The following TIMELESS variants were observed in gnomAD, a reference collection of about 807,000 sequenced individuals.
TIMELESS encodes the protein timeless circadian regulator.
In TIMELESS, 124 loss-of-function variants were observed where a neutral mutation model predicts 164.3. The ratio of observed to expected loss-of-function variants is 0.75; its 90% CI spans 0.65 to 0.88. The LOEUF is 0.88. TIMELESS is among the 40% of genes least tolerant of loss of function. The pLI is 0.00. For synonymous variants in TIMELESS, 564 were observed against 563.4 expected (o/e 1.00, Z -0.02); for missense variants, 1,422 against 1,491.4 (o/e 0.95, Z 0.77).
chr12:56,448,823 C>T (rs1390690563), intron 1 of TIMELESS, among the ~76,000 whole-genome samples: 1 of 152,224 alleles, frequency 6.6e-6, no homozygotes, highest in Non-Finnish European at 1.5e-5. Flanking sequence ...TCATTAGCGG[C>T]TGAGGTCCAG....
intron 15 of TIMELESS, among the ~76,000 whole-genome samples, chr12:56,424,345 T>A (rs930206638): frequency 2.6e-5 from 4 of 152,254 alleles, no homozygotes; most frequent in Non-Finnish European, 5.9e-5. Flanking sequence ...ATGTTAATGA[T>A]GCATATCTTT....
Position 56,434,066 on chromosome 12 carries a change from G to A in TIMELESS, c.97+8C>T. 1 of 1,613,560 alleles carries A rather than the reference G, an allele frequency of 6.2e-7. No homozygotes were observed. The highest frequency in any genetic ancestry group is 1.1e-5 in the South Asian group (1 of 91,068). On this transcript the variant is annotated splice_region_variant and intron_variant, in intron 2 of 28. Coordinates refer to ENST00000553532, the MANE Select transcript of TIMELESS (RefSeq NM_003920.5). ...ATTTTTTTCCTGTTTCATCAAAAAG[G>A]TACTCACCTAAGCAATCTGGTTCCT...
chr12:56,449,106 G>A (rs768389769), intron 1 of TIMELESS, among the ~76,000 whole-genome samples: 2 of 152,250 alleles, frequency 1.3e-5, no homozygotes, highest in Admixed American at 6.5e-5. Context: ...GGCTAAGCCC[G>A]CGTCCGGTGA....
Position 56,418,334 on chromosome 12 carries a change from T to C in TIMELESS, c.3254A>G (p.Lys1085Arg), listed in dbSNP as rs747937635. ...CCTCCGGAGCTGGGTAGGACTCAGC[T>C]TGGCTGGAATTCGCCAGAAGGTTTC... Reference protein sequence around the residue: ...GQETFWRIPAKLSPTQLRRAA... With the variant: ...GQETFWRIPARLSPTQLRRAA... The change falls in exon 27 of 29, where the codon AAG becomes AGG. Residue 1085 changes from lysine to arginine, a missense_variant. Lys to Arg is a conservative substitution (Grantham distance 26). Transcript: ENST00000553532. The C allele has an allele frequency of 6.2e-7, 1 of 1,611,314 alleles. No homozygotes were observed. Among genetic ancestry groups the C allele is most frequent in the South Asian group, 1.1e-5 (1 of 90,932 alleles).
intron 1 of TIMELESS, among the ~76,000 whole-genome samples, chr12:56,444,689 G>C (rs1184230622): frequency 1.3e-5 from 2 of 151,998 alleles, no homozygotes; most frequent in East Asian, 3.9e-4. Flanking sequence ...TGGGATTACA[G>C]GCATGTGCCC....
chr12:56,424,482 G>A (rs1020153471), intron 15 of TIMELESS, among the ~76,000 whole-genome samples: 5 of 152,106 alleles, frequency 3.3e-5, no homozygotes, highest in East Asian at 3.8e-4. Context: ...GAAACATGCC[G>A]TAGGTCATTT....
At chr12:56,447,771 C>T (rs1038794790) in intron 1 of TIMELESS, among the ~76,000 whole-genome samples, 4 of 152,074 alleles carry the variant, frequency 2.6e-5, no homozygotes, top group African/African-American at 9.7e-5. Context: ...CAGGGACACA[C>T]AGGAAGAAGT....
In TIMELESS at chr12:56,421,103, C is replaced by A. The variant is rs756634237; in HGVS notation, c.2900G>T (p.Cys967Phe). 4 of 1,613,944 alleles carry A rather than the reference C, an allele frequency of 2.5e-6. No individual in the cohort carries two copies. The African/African-American group carries it at 4.0e-5, about 16-fold the overall frequency. The change falls in exon 24 of 29, where the codon TGC becomes TTC. Residue 967 changes from cysteine (C) to phenylalanine (F), a missense_variant. Cys to Phe is a radical substitution (Grantham distance 205). Transcript: ENST00000553532. Reference sequence around the variant, plus strand: ...TTCCTCTTCTTCCAGATCTTCCTGGCAAAAATCTTTCAGGGACTCCGCTCC... The same window carrying A: ...TTCCTCTTCTTCCAGATCTTCCTGGAAAAAATCTTTCAGGGACTCCGCTCC... ...PNGAESLKDF[C>F]QEDLEEEENL...
In TIMELESS at chr12:56,430,290, G is replaced by A. The variant is rs1174999059; in HGVS notation, c.910-9C>T. On this transcript the variant is annotated splice_polypyrimidine_tract_variant and intron_variant, in intron 9 of 28. Transcript: ENST00000553532. ...GAACTGTAGTTTCGTAGCTGGGTGT[G>A]TCGGTTGGGGGATTAGAATTACTCC... The A allele has an allele frequency of 1.2e-6, 2 of 1,610,340 alleles. No homozygotes were observed. The highest frequency in any genetic ancestry group is 1.3e-5 in the African/African-American group (1 of 74,824).
chr12:56,418,474 T>C, intron 26 of TIMELESS, 115 bp from the exon 27 acceptor site: 2 of 713,638 alleles, frequency 2.8e-6, no homozygotes, highest in East Asian at 2.7e-5. Flanking sequence ...GGTTGTGAAC[T>C]CTATTTATTA....
intron 12 of TIMELESS, 68 bp from the exon 13 acceptor site, chr12:56,428,473 A>C: frequency 6.2e-7 from 1 of 1,607,768 alleles, no homozygotes; most frequent in Non-Finnish European, 8.5e-7. Flanking sequence ...AGATGGATGA[A>C]GCTGGGACTG....
Position 56,433,842 on chromosome 12 carries a change from A to G in TIMELESS, c.182T>C (p.Leu61Pro). ...VRQQLGAAQI[L>P]QSDLLPILTQ... ...GAGGATGGGCAGAAGGTCGCTCTGT[A>G]GGATCTGGGCTGCCCCCAGCTGCTG... The change falls in exon 3 of 29, where the codon CTA becomes CCA. Residue 61 changes from leucine (L) to proline (P), a missense_variant. By Grantham distance (98) the Leu-to-Pro change is moderately conservative (BLOSUM62 -3). Transcript: ENST00000553532. 2 of 1,614,180 alleles carry G rather than the reference A, an allele frequency of 1.2e-6. No homozygotes were observed. Among genetic ancestry groups the G allele is most frequent in the Non-Finnish European group, 8.5e-7 (1 of 1,180,038 alleles).
rs1285555857 is a variant in TIMELESS at position 56,420,592 on chromosome 12, C to A, written c.3205G>T (p.Val1069Phe). The A allele has an allele frequency of 6.2e-7, 1 of 1,614,240 alleles. No individual in the cohort carries two copies. The highest frequency in any genetic ancestry group is 1.7e-5 in the Admixed American group (1 of 60,026). The part of the protein sequence containing the change: ...QFQQLLRKLG[V>F]RPPASGQETF... ...ACCTGCCCAGAGGCAGGGGGCCGAA[C>A]CCCTAGCTTGCGCAACAGCTGCTGA... Residue 1069 changes from valine (V) to phenylalanine (F), a missense_variant, in exon 26 of 29, where the codon GTT (valine) becomes TTT (phenylalanine). Coordinates refer to ENST00000553532, the MANE Select transcript of TIMELESS (RefSeq NM_003920.5).
chr12:56,437,738 T>C (rs1417601884), intron 1 of TIMELESS, among the ~76,000 whole-genome samples: 1 of 152,150 alleles, frequency 6.6e-6, no homozygotes. Flanking sequence ...GGGGCAGCTC[T>C]TCAGGGCAAG....
chr12:56,431,733 T>TCAGA, intron 7 of TIMELESS, 129 bp from the exon 8 acceptor site: 2 of 1,162,340 alleles, frequency 1.7e-6, no homozygotes, highest in Non-Finnish European at 2.3e-6. Flanking sequence ...TCGTTCTCCC[T>TCAGA]TATCTGAGGG....
intron 1 of TIMELESS, among the ~76,000 whole-genome samples, chr12:56,435,127 G>A (rs146331768): frequency 2.3e-3 from 352 of 152,128 alleles, no homozygotes; most frequent in Middle Eastern, 6.8e-3. Context: ...TAAAAAAACC[G>A]AGCTCTGGCC....
intron 27 of TIMELESS, 45 bp downstream of exon 27, chr12:56,418,089 A>G (rs1364280457): frequency 8.1e-6 from 13 of 1,612,598 alleles, no homozygotes; most frequent in Admixed American, 1.7e-5. Context: ...CTAGACCAAC[A>G]TGGCTGACAC....
At chr12:56,433,350 A>T (rs1881958031) in intron 5 of TIMELESS, 31 bp downstream of exon 5, 4 of 1,613,092 alleles carry the variant, frequency 2.5e-6, no homozygotes, top group Non-Finnish European at 3.4e-6. Context: ...ATGCTGTCCC[A>T]TGGTATCCTG....
At chr12:56,442,934 CTT>C (rs1252192593) in intron 1 of TIMELESS, among the ~76,000 whole-genome samples, 1 of 152,188 alleles carries the variant, frequency 6.6e-6, no homozygotes, top group Non-Finnish European at 1.5e-5. Flanking sequence ...AATCAATACT[CTT>C]ATAATTTCCT....
Sources: allele counts gnomAD v4.1 joint callset (sites outside exome capture counted in the v4.1 genomes callset), GRCh38; gene constraint gnomAD v4.1.1; transcripts MANE v1.5; gene names NCBI Gene and HGNC (gene_info 2026-07-23, HGNC 2026-07-21).